The following SH3BGRL2 variants were observed in gnomAD, a reference collection of about 807,000 sequenced individuals.
The protein encoded by SH3BGRL2 is SH3 domain-binding glutamic acid-rich-like protein 2.
In SH3BGRL2, 21 loss-of-function variants were observed where a neutral mutation model predicts 14.8. The observed-to-expected ratio is 1.42, with a 90% confidence interval of 1.01 to 2.05. The LOEUF (loss-of-function observed/expected upper bound fraction) is 2.05, where lower values mean the gene tolerates loss of function less well. Among genes scored for constraint, SH3BGRL2 ranks in the 30% most tolerant of loss-of-function variants. SH3BGRL2 has a pLI of 0.00. For synonymous variants in SH3BGRL2, 50 were observed against 47.8 expected, an observed-to-expected ratio of 1.05 and a Z score of -0.19; for missense variants, 147 against 130.8, an observed-to-expected ratio of 1.12 and a Z score of -0.61.
Position 79,699,597 on chromosome 6 carries a change from A to G in SH3BGRL2, c.*88A>G. On this transcript the variant is annotated 3_prime_UTR_variant, in exon 4 of 4. Transcript: ENST00000369838. The stretch of plus-strand genomic sequence containing the variant: ...TGCTTACCTAATGCATCACTGTGAC[A>G]AAAGCCACACGCATTATCAGTAACT... The G allele has an allele frequency of 2.1e-6, 3 of 1,430,274 alleles. No individual in the cohort carries two copies. Among genetic ancestry groups the G allele is most frequent in the African/African-American group, 1.5e-5 (1 of 67,798 alleles). 88.6% of individuals were successfully genotyped at this position (1,430,274 alleles called of 1,614,324 possible). A position where few individuals can be genotyped will look rare whatever the true frequency, so the allele number is the denominator to read the frequency against.
chr6:79,588,511 G>A, the SH3BGRL2 span, among the ~76,000 whole-genome samples: 14,222 of 152,000 alleles, frequency 0.094, 816 homozygotes, highest in Non-Finnish European at 0.13. Flanking sequence ...AAGTAGAAGC[G>A]GGAAGGTCAG....
the SH3BGRL2 span, among the ~76,000 whole-genome samples, chr6:79,596,173 A>G: frequency 7.2e-5 from 11 of 152,312 alleles, no homozygotes; most frequent in South Asian, 2.3e-3. Context: ...TTTTGGTGGA[A>G]AGGTGGCCAA....
intron 1 of SH3BGRL2, among the ~76,000 whole-genome samples, chr6:79,648,276 ATAT>A (rs1562146737): frequency 6.9e-5 from 9 of 131,210 alleles, no homozygotes; most frequent in South Asian, 5.0e-4. Context: ...ATATATATAT[ATAT>A]ATATTTGACA....
rs1184129994 is a variant in SH3BGRL2, at chr6:79,682,123, G to T, written c.231+8324G>T. Among the ~76,000 whole-genome samples the T allele has an allele frequency of 2.6e-5, 4 of 151,976 alleles. No individual in the cohort carries two copies. The East Asian group carries it at 7.7e-4, about 29-fold the overall frequency. ...AGAGATATTTAAAAGTATTTATGAT[G>T]AATTAATTGGTTATTCAGCATTATT... On this transcript the variant is annotated intron_variant, in intron 2 of 3. Coordinates refer to ENST00000369838, the MANE Select transcript of SH3BGRL2 (RefSeq NM_031469.4).
At chr6:79,659,158 C>T (rs1361537213) in intron 1 of SH3BGRL2, among the ~76,000 whole-genome samples, 1 of 152,146 alleles carries the variant, frequency 6.6e-6, no homozygotes, top group African/African-American at 2.4e-5. Flanking sequence ...TCCCATTTGT[C>T]AATTTTGGCT....
the SH3BGRL2 span, among the ~76,000 whole-genome samples, chr6:79,547,283 C>T: frequency 1.3e-5 from 2 of 152,046 alleles, no homozygotes; most frequent in Admixed American, 1.3e-4. Context: ...GGAGCATGAT[C>T]CACCCCAAGG....
intron 2 of SH3BGRL2, among the ~76,000 whole-genome samples, chr6:79,680,402 T>C (rs763695646): frequency 2.6e-5 from 4 of 152,220 alleles, no homozygotes; most frequent in Admixed American, 2.0e-4. Flanking sequence ...CAGAAGGGTT[T>C]ATTTTGGACT....
chr6:79,621,467 A>G, the SH3BGRL2 span, among the ~76,000 whole-genome samples: 1 of 152,340 alleles, frequency 6.6e-6, no homozygotes, highest in East Asian at 1.9e-4. Context: ...CCCTCACTAG[A>G]CACTGAATCT....
chr6:79,593,356 G>C, the SH3BGRL2 span, among the ~76,000 whole-genome samples: 20 of 152,198 alleles, frequency 1.3e-4, no homozygotes, highest in African/African-American at 4.3e-4. Context: ...CCTACCTAGT[G>C]GTGTCAGGGG....
At chr6:79,668,894 G>A (rs541064847) in intron 1 of SH3BGRL2, among the ~76,000 whole-genome samples, 3 of 152,098 alleles carry the variant, frequency 2.0e-5, no homozygotes, top group South Asian at 2.1e-4. Flanking sequence ...GAATTATTTC[G>A]GCTATGTACA....
At chr6:79,643,551 T>A (rs1013298580) in intron 1 of SH3BGRL2, among the ~76,000 whole-genome samples, 2 of 152,220 alleles carry the variant, frequency 1.3e-5, no homozygotes, top group African/African-American at 4.8e-5. Context: ...GATTTAAAAT[T>A]GAAAACTAAT....
chr6:79,691,930 C>T (rs1412367295), intron 2 of SH3BGRL2, among the ~76,000 whole-genome samples: 2 of 151,526 alleles, frequency 1.3e-5, no homozygotes, highest in African/African-American at 2.4e-5. Context: ...GGAATTGCCA[C>T]ACTGACTTCC....
chr6:79,553,967 CAA>C, the SH3BGRL2 span, among the ~76,000 whole-genome samples: 5 of 126,720 alleles, frequency 3.9e-5, no homozygotes, highest in Non-Finnish European at 3.4e-5. Flanking sequence ...GACTCTGTCT[CAA>C]AAAAAAAAAA....
the SH3BGRL2 span, among the ~76,000 whole-genome samples, chr6:79,566,512 T>C: frequency 6.6e-6 from 1 of 152,216 alleles, no homozygotes; most frequent in Non-Finnish European, 1.5e-5. Context: ...TATTATAATA[T>C]CTTACTCCAC....
At chr6:79,651,354 G>C (rs1365701162) in intron 1 of SH3BGRL2, among the ~76,000 whole-genome samples, 1 of 152,092 alleles carries the variant, frequency 6.6e-6, no homozygotes, top group Admixed American at 6.6e-5. Flanking sequence ...TCAAATAGTG[G>C]CACCGTAAAT....
chr6:79,695,392 T>C (rs540573926), intron 2 of SH3BGRL2, among the ~76,000 whole-genome samples: 77 of 152,344 alleles, frequency 5.1e-4, no homozygotes, highest in Non-Finnish European at 1.0e-3. Flanking sequence ...ATTCAAAGAT[T>C]TTTTAATCAG....
the SH3BGRL2 span, among the ~76,000 whole-genome samples, chr6:79,621,928 A>G: frequency 6.6e-6 from 1 of 152,094 alleles, no homozygotes; most frequent in Non-Finnish European, 1.5e-5. Flanking sequence ...ATGATGGTAT[A>G]AAGATGCCAT....
the SH3BGRL2 span, among the ~76,000 whole-genome samples, chr6:79,596,619 C>T: frequency 7.2e-5 from 11 of 152,208 alleles, no homozygotes; most frequent in African/African-American, 2.6e-4. Flanking sequence ...AAAAACATTA[C>T]AGAATACCTA....
At chr6:79,550,819 T>C in the SH3BGRL2 span, among the ~76,000 whole-genome samples, 1 of 152,302 alleles carries the variant, frequency 6.6e-6, no homozygotes, top group African/African-American at 2.4e-5. Context: ...TTCAGTGTCA[T>C]GATCATGGTA....
Sources: allele counts gnomAD v4.1 joint callset (sites outside exome capture counted in the v4.1 genomes callset), GRCh38; gene constraint gnomAD v4.1.1; transcripts MANE v1.5; gene names NCBI Gene and HGNC (gene_info 2026-07-23, HGNC 2026-07-21).